ANAPC10: variants seen among roughly 807,000 people sequenced by gnomAD.
ANAPC10 encodes anaphase-promoting complex subunit 10.
ANAPC10 carries 12 observed loss-of-function variants against 22.0 expected under a neutral mutation model. The observed-to-expected ratio is 0.55, with a 90% CI of 0.35 to 0.88. The LOEUF (loss-of-function observed/expected upper bound fraction) is 0.88, where lower values mean the gene tolerates loss of function less well. Among genes scored for constraint, ANAPC10 ranks in the 40% least tolerant of loss-of-function variants. The pLI, the probability that ANAPC10 is intolerant of heterozygous loss-of-function variation, is 0.01. For synonymous variants in ANAPC10, 65 were observed against 69.5 expected (o/e 0.94, Z 0.32); for missense variants, 188 against 220.9 (o/e 0.85, Z 0.94).
chr4:145,011,105 G>A (rs1381527157), intron 4 of ANAPC10, among the ~76,000 whole-genome samples: 2 of 151,994 alleles, frequency 1.3e-5, no homozygotes, highest in East Asian at 3.9e-4. Context: ...GCCGAGGCAA[G>A]TGGATCACCC....
intron 3 of ANAPC10, among the ~76,000 whole-genome samples, chr4:145,065,168 A>AC (rs1232204382): frequency 6.6e-6 from 1 of 151,988 alleles, no homozygotes; most frequent in Non-Finnish European, 1.5e-5. Flanking sequence ...AAATACAACA[A>AC]CCTAGTTTTA....
chr4:145,042,292 T>C (rs1739628460), intron 4 of ANAPC10, among the ~76,000 whole-genome samples: 1 of 152,200 alleles, frequency 6.6e-6, no homozygotes, highest in Non-Finnish European at 1.5e-5. Flanking sequence ...TCCTTGATTA[T>C]GTAGGGTCAG....
At chr4:145,047,302 A>G (rs1214018196) in intron 4 of ANAPC10, among the ~76,000 whole-genome samples, 1 of 152,088 alleles carries the variant, frequency 6.6e-6, no homozygotes, top group African/African-American at 2.4e-5. Context: ...TCTGAAAACA[A>G]TATTTAAAAC....
chr4:145,016,459 C>A (rs1050312349), intron 4 of ANAPC10, among the ~76,000 whole-genome samples: 2 of 151,918 alleles, frequency 1.3e-5, no homozygotes, highest in South Asian at 2.1e-4. Context: ...CACTGCTGAA[C>A]AAAATAAAAG....
intron 4 of ANAPC10, among the ~76,000 whole-genome samples, chr4:145,001,942 A>G (rs1427977053): frequency 3.3e-5 from 5 of 152,214 alleles, no homozygotes; most frequent in Non-Finnish European, 7.3e-5. Context: ...TAATTCATCA[A>G]TAAAAAACAT....
chr4:145,037,047 T>TGCGC (rs1553969422), intron 4 of ANAPC10, among the ~76,000 whole-genome samples: 4 of 148,530 alleles, frequency 2.7e-5, no homozygotes, highest in African/African-American at 1.0e-4. Flanking sequence ...TGTATGTGTG[T>TGCGC]GCATGCATGA....
chr4:145,036,981 T>C (rs970967015), intron 4 of ANAPC10, among the ~76,000 whole-genome samples: 2 of 149,822 alleles, frequency 1.3e-5, no homozygotes, highest in Non-Finnish European at 3.0e-5. Flanking sequence ...CTATTTCTTA[T>C]ACCAAATAGA....
At chr4:145,018,219 A>G (rs748738061) in intron 4 of ANAPC10, among the ~76,000 whole-genome samples, 23 of 151,876 alleles carry the variant, frequency 1.5e-4, no homozygotes, top group Non-Finnish European at 1.9e-4. Flanking sequence ...CCAAAAAATC[A>G]AGGTATACAG....
At chr4:145,089,740 T>C (rs1207823433) in intron 2 of ANAPC10, among the ~76,000 whole-genome samples, 1 of 152,210 alleles carries the variant, frequency 6.6e-6, no homozygotes, top group Non-Finnish European at 1.5e-5. Flanking sequence ...AGTAAATCTG[T>C]ATCTCCCAAA....
intron 4 of ANAPC10, among the ~76,000 whole-genome samples, chr4:145,037,267 C>A (rs1260728713): frequency 6.6e-6 from 1 of 151,976 alleles, no homozygotes; most frequent in Non-Finnish European, 1.5e-5. Context: ...GTATGTATGG[C>A]AGGTATGAGA....
Position 145,034,561 on chromosome 4 carries a change from G to A in ANAPC10, c.327+30011C>T, listed in dbSNP as rs1162550919. Among the ~76,000 whole-genome samples, 7 of 130,874 alleles carry A rather than the reference G, an allele frequency of 5.3e-5. No homozygotes were observed. In the South Asian group the frequency reaches 1.2e-3, roughly 22 times the overall value. 85.9% of individuals were successfully genotyped at this position (130,874 alleles called of 152,430 possible). ...TATATATATGTGTGTGTGTGTGTGT[G>A]TGTGTGTGTGTGTGTATATATCCCA... On this transcript the variant is annotated intron_variant, in intron 4 of 4. Coordinates refer to ENST00000507656, the MANE Select transcript of ANAPC10 (RefSeq NM_001256706.2).
chr4:145,034,547 G>GA (rs1738195056), intron 4 of ANAPC10, among the ~76,000 whole-genome samples: 1 of 125,530 alleles, frequency 8.0e-6, no homozygotes, highest in East Asian at 2.8e-4. Flanking sequence ...ATATATATGT[G>GA]TGTGTGTGTG....
intron 3 of ANAPC10, among the ~76,000 whole-genome samples, chr4:145,073,549 A>G (rs1744782874): frequency 1.3e-5 from 2 of 152,154 alleles, no homozygotes; most frequent in Admixed American, 1.3e-4. Context: ...ATTAAAGTAT[A>G]TATAGGATTT....
intron 3 of ANAPC10, among the ~76,000 whole-genome samples, chr4:145,080,784 G>T (rs1475087658): frequency 6.6e-6 from 1 of 151,794 alleles, no homozygotes; most frequent in African/African-American, 2.4e-5. Flanking sequence ...GCGCATGCCT[G>T]TAATCCCAGT....
intron 3 of ANAPC10, among the ~76,000 whole-genome samples, chr4:145,068,036 G>A (rs1743961545): frequency 6.6e-6 from 1 of 152,136 alleles, no homozygotes. Flanking sequence ...AGACAACCTT[G>A]AGGATAAAAT....
At chr4:145,054,696 C>CTG (rs1355470418) in intron 4 of ANAPC10, among the ~76,000 whole-genome samples, 1 of 142,356 alleles carries the variant, frequency 7.0e-6, no homozygotes, top group South Asian at 2.2e-4. Context: ...GTGTGTGTGC[C>CTG]TGTGTGTGTG....
chr4:145,055,914 A>AT (rs1741997394), intron 4 of ANAPC10, among the ~76,000 whole-genome samples: 1 of 152,208 alleles, frequency 6.6e-6, no homozygotes, highest in Non-Finnish European at 1.5e-5. Context: ...ATTTTGTGGT[A>AT]TATGTTTTTT....
chr4:145,026,987 A>ATTTTTT lies in ANAPC10; in HGVS notation c.328-31390_328-31385dup, dbSNP rs1186853327. ...TATATATATATATATATATATATAT[A>ATTTTTT]TTTTTTTTTTTTTTTTTTTTTTTTT... On this transcript the variant is annotated intron_variant, in intron 4 of 4. Transcript: ENST00000507656. 2.0e-4 allele frequency among the ~76,000 whole-genome samples: 3 copies of ATTTTTT among 15,370 alleles called. 1 individual carries two copies. Among genetic ancestry groups the ATTTTTT allele is most frequent in the Non-Finnish European group, 3.4e-4 (3 of 8,876 alleles). The allele number at this position is 15,370 out of a possible 152,430, so 10.1% of individuals were successfully genotyped here. A position where few individuals can be genotyped will look rare whatever the true frequency, so the allele number is the denominator to read the frequency against.
intron 2 of ANAPC10, among the ~76,000 whole-genome samples, chr4:145,085,716 T>C (rs1746789026): frequency 6.6e-6 from 1 of 152,164 alleles, no homozygotes. Flanking sequence ...TCTAAATCTT[T>C]ATGTCTGAAA....
Sources: allele counts gnomAD v4.1 joint callset (sites outside exome capture counted in the v4.1 genomes callset), GRCh38; gene constraint gnomAD v4.1.1; transcripts MANE v1.5; gene names NCBI Gene and HGNC (gene_info 2026-07-23, HGNC 2026-07-21).